The following CHD3 variants were observed in gnomAD, a reference collection of about 807,000 sequenced individuals.
CHD3 encodes the protein ATP-dependent chromatin remodeler CHD3.
In CHD3, 52 loss-of-function variants were observed where a neutral mutation model predicts 248.9. The observed-to-expected ratio is 0.21, with a 90% CI of 0.17 to 0.26. CHD3 has a LOEUF of 0.26. Among genes scored for constraint, CHD3 ranks in the 10% least tolerant of loss-of-function variants. The pLI, the probability that CHD3 is intolerant of heterozygous loss-of-function variation, is 1.00. For missense variants in CHD3, 1,482 were observed against 2,605.8 expected, an observed-to-expected ratio of 0.57 and a Z score of 9.39; for synonymous variants, 985 against 985.2, an observed-to-expected ratio of 1.00 and a Z score of 0.00.
chr17:7,906,038 TG>T lies in CHD3; in HGVS notation c.4358+52del. The T allele has an allele frequency of 1.9e-6, 3 of 1,610,178 alleles. No individual in the cohort carries two copies. Among genetic ancestry groups the T allele is most frequent in the Non-Finnish European group, 2.5e-6 (3 of 1,177,874 alleles). ...GAGTTGGACGCAAGGGGAAGAGCTTTGGGTGTTCCTTTCTTCCTTGGGGCCG... is the reference window on the plus strand; with the variant it reads ...GAGTTGGACGCAAGGGGAAGAGCTTTGGTGTTCCTTTCTTCCTTGGGGCCG... On this transcript the variant is annotated intron_variant, in intron 28 of 39. Transcript: ENST00000330494. The surrounding 1 kb of genome is among the most constrained non-coding windows in gnomAD (Gnocchi z 5.0).
Position 7,905,723 on chromosome 17 carries a change from G to C in CHD3, c.4224+17G>C, listed in dbSNP as rs374315497. On this transcript the variant is annotated intron_variant, in intron 27 of 39. Coordinates refer to ENST00000330494, the MANE Select transcript of CHD3 (RefSeq NM_001005273.3). The surrounding 1 kb of genome is among the most constrained non-coding windows in gnomAD (Gnocchi z 5.8). ...AACATTGAGGTGAGAGCTGGGCCCAGTGTTCCTGAGTTCTCCAAGAGGGCA... is the reference window on the plus strand; with the variant it reads ...AACATTGAGGTGAGAGCTGGGCCCACTGTTCCTGAGTTCTCCAAGAGGGCA... The C allele has an allele frequency of 1.9e-6, 3 of 1,612,602 alleles. No homozygotes were observed. The highest frequency in any genetic ancestry group is 1.3e-5 in the African/African-American group (1 of 74,860).
Position 7,905,118 on chromosome 17 carries a change from C to T in CHD3, c.4091C>T (p.Ser1364Leu), listed in dbSNP as rs1405887043. 6 of 1,614,150 alleles carry T rather than the reference C, an allele frequency of 3.7e-6. No individual in the cohort carries two copies. The highest frequency in any genetic ancestry group is 2.7e-5 in the African/African-American group (2 of 75,048). The change falls in exon 26 of 40, where the codon TCG (serine) becomes TTG (leucine). Residue 1364 changes from serine (S) to leucine (L), a missense_variant. Ser to Leu is a moderately radical substitution (Grantham distance 145). Coordinates refer to ENST00000330494, the MANE Select transcript of CHD3 (RefSeq NM_001005273.3). The surrounding 1 kb of genome is among the most constrained non-coding windows in gnomAD (Gnocchi z 5.8). The stretch of plus-strand genomic sequence containing the variant: ...CCCACAGACAACCAGTCAGAGTACT[C>T]GGTGGGTTCAGAGGAGGAGGATGAA... The part of the protein sequence containing the change: ...QEDQDNQSEY[S>L]VGSEEEDEDF...
rs768154770 is a variant in CHD3, at chr17:7,906,944, C to T, written c.4579C>T (p.Arg1527Cys). ...LMPDPSADSK[R>C]SSRASSPTKT... ...GCCTGACCCCAGCGCCGATTCTAAG[C>T]GCTCCTCCAGAGCCTCCTCTCCTAC... Residue 1527 changes from arginine to cysteine, a missense_variant, in exon 30 of 40, where the codon CGC (arginine) becomes TGC (cysteine). Physicochemically the swap from Arg to Cys is radical, Grantham distance 180. This residue lies in a region of CHD3 where 254 missense variants were observed against 266.7 expected (regional missense o/e 0.95). Transcript: ENST00000330494. This position sits in a 1 kb window ranked among gnomAD's most constrained non-coding sequence, Gnocchi z 5.0. The T allele has an allele frequency of 3.7e-6, 6 of 1,614,160 alleles. No individual in the cohort carries two copies. The Admixed American group carries it at 5.0e-5, about 13-fold the overall frequency.
In CHD3 at chr17:7,905,519, G is replaced by A. The variant is rs991194858; in HGVS notation, c.4139-102G>A. On this transcript the variant is annotated intron_variant, in intron 26 of 39. Coordinates refer to ENST00000330494, the MANE Select transcript of CHD3 (RefSeq NM_001005273.3). This position sits in a 1 kb window ranked among gnomAD's most constrained non-coding sequence, Gnocchi z 5.8. ...ATTGGGAGCACCTCAAACGTGACAGGAATGTTCCTGTGTTGTGTATCTTGT... is the reference window on the plus strand; with the variant it reads ...ATTGGGAGCACCTCAAACGTGACAGAAATGTTCCTGTGTTGTGTATCTTGT... 1 of 882,030 alleles carries A rather than the reference G, an allele frequency of 1.1e-6. No homozygotes were observed. The highest frequency in any genetic ancestry group is 1.7e-6 in the Non-Finnish European group (1 of 577,934). 54.6% of individuals were successfully genotyped at this position (882,030 alleles called of 1,614,324 possible).
In CHD3 at chr17:7,903,145, G is replaced by A. The variant is rs1476411378; in HGVS notation, c.3495+84G>A. On this transcript the variant is annotated intron_variant, in intron 22 of 39. Coordinates refer to ENST00000330494, the MANE Select transcript of CHD3 (RefSeq NM_001005273.3). The surrounding 1 kb of genome is among the most constrained non-coding windows in gnomAD (Gnocchi z 6.8). Reference sequence around the variant, plus strand: ...AGGAGGGTGTCATGTTCCGGGGTCAGAAATAAATCTCTTCTGGGAGGAGAG... The same window carrying A: ...AGGAGGGTGTCATGTTCCGGGGTCAAAAATAAATCTCTTCTGGGAGGAGAG... 15 of 1,577,476 alleles carry A rather than the reference G, an allele frequency of 9.5e-6. No homozygotes were observed. The highest frequency in any genetic ancestry group is 1.3e-5 in the Non-Finnish European group (15 of 1,156,402).
rs1970131109 is a variant in CHD3 at position 7,900,095 on chromosome 17, T to C, written c.2682+62T>C. ...GTGGACTTCCCACTTGCCTTGGTCC[T>C]AAAAAACAACAAAAATTCTGGGGAT... On this transcript the variant is annotated intron_variant, in intron 16 of 39. Transcript: ENST00000330494. This position sits in a 1 kb window ranked among gnomAD's most constrained non-coding sequence, Gnocchi z 6.5. The C allele has an allele frequency of 4.5e-6, 7 of 1,549,182 alleles. No individual in the cohort carries two copies. Among genetic ancestry groups the C allele is most frequent in the Non-Finnish European group, 4.4e-6 (5 of 1,146,730 alleles).
chr17:7,903,411 G>T lies in CHD3; in HGVS notation c.3635G>T (p.Gly1212Val). Residue 1212 changes from glycine to valine, a missense_variant, in exon 23 of 40, where the codon GGG becomes GTG. Transcript: ENST00000330494. The surrounding 1 kb of genome is among the most constrained non-coding windows in gnomAD (Gnocchi z 6.8). ...CTGACACACCTGGTTGTGCGGCCTG[G>T]GCTGGGCTCCAAGGCAGGCTCCATG... ...MMLTHLVVRP[G>V]LGSKAGSMSK... 1.2e-6 allele frequency: 2 copies of T among 1,614,194 alleles called. No homozygotes were observed. The highest frequency in any genetic ancestry group is 2.2e-5 in the East Asian group (1 of 44,872).
intron 20 of CHD3, 116 bp from the exon 21 acceptor site, chr17:7,902,494 C>T: frequency 1.7e-6 from 1 of 581,090 alleles, no homozygotes. Context: ...GAGCTTAAGA[C>T]AGGGCAGGGG....
chr17:7,910,571 A>G lies in CHD3; in HGVS notation c.5734A>G (p.Thr1912Ala). The change falls in exon 38 of 40, where the codon ACG (threonine) becomes GCG (alanine). Residue 1912 changes from threonine to alanine, a missense_variant. This residue lies in a region of CHD3 where 117 missense variants were observed against 137.2 expected (regional missense o/e 0.85). Coordinates refer to ENST00000330494, the MANE Select transcript of CHD3 (RefSeq NM_001005273.3). The surrounding 1 kb of genome is among the most constrained non-coding windows in gnomAD (Gnocchi z 4.7). Reference sequence around the variant, plus strand: ...CCTCAGCCGGCTGGCCAGCAAGGGCACGGAGCCTCACCCCACACCGGTAAC... The same window carrying G: ...CCTCAGCCGGCTGGCCAGCAAGGGCGCGGAGCCTCACCCCACACCGGTAAC... ...SILSRLASKG[T>A]EPHPTPAYPP... The G allele has an allele frequency of 6.2e-7, 1 of 1,611,026 alleles. No homozygotes were observed. Among genetic ancestry groups the G allele is most frequent in the Non-Finnish European group, 8.5e-7 (1 of 1,179,958 alleles).
In CHD3 at chr17:7,889,695, A is replaced by G. The variant is rs944874593; in HGVS notation, c.132A>G (p.Ala44=). Residue 44 remains alanine, a synonymous_variant, in exon 2 of 40, where the codon GCA becomes GCG. Transcript: ENST00000330494. This position sits in a 1 kb window ranked among gnomAD's most constrained non-coding sequence, Gnocchi z 4.5. Reference sequence around the variant, plus strand: ...ATGACATTCGGCTGCTGCCGTCAGCATTGGGTGTGAAGAAGAGAAAACGAG... The same window carrying G: ...ATGACATTCGGCTGCTGCCGTCAGCGTTGGGTGTGAAGAAGAGAAAACGAG... The part of the protein sequence containing the change: ...DKDDIRLLPS[A]LGVKKRKRGP... 2.7e-5 allele frequency: 44 copies of G among 1,613,414 alleles called. No individual in the cohort carries two copies. The highest frequency in any genetic ancestry group is 3.3e-5 in the Non-Finnish European group (39 of 1,179,680).
chr17:7,903,804 G>A lies in CHD3; in HGVS notation c.3728-21G>A, dbSNP rs368228432. Reference sequence around the variant, plus strand: ...CTAAACTTTGGAACCCAAAGTTCCCGTTTGTTTTCCCTCTCACCAGGGGAG... The same window carrying A: ...CTAAACTTTGGAACCCAAAGTTCCCATTTGTTTTCCCTCTCACCAGGGGAG... On this transcript the variant is annotated intron_variant, in intron 23 of 39. Coordinates refer to ENST00000330494, the MANE Select transcript of CHD3 (RefSeq NM_001005273.3). This position sits in a 1 kb window ranked among gnomAD's most constrained non-coding sequence, Gnocchi z 6.8. 2.6e-5 allele frequency: 42 copies of A among 1,610,756 alleles called. No homozygotes were observed. The highest frequency in any genetic ancestry group is 1.6e-4 in the Middle Eastern group (1 of 6,068).
Position 7,903,772 on chromosome 17 carries a change from A to G in CHD3, c.3728-53A>G. On this transcript the variant is annotated intron_variant, in intron 23 of 39. Coordinates refer to ENST00000330494, the MANE Select transcript of CHD3 (RefSeq NM_001005273.3). This position sits in a 1 kb window ranked among gnomAD's most constrained non-coding sequence, Gnocchi z 6.8. ...GACGCAGAGTAGAAGCTTTCCCATC[A>G]GCCTTTCTAAACTTTGGAACCCAAA... 6.3e-7 allele frequency: 1 copy of G among 1,589,728 alleles called. No individual in the cohort carries two copies. Among genetic ancestry groups the G allele is most frequent in the Non-Finnish European group, 8.6e-7 (1 of 1,161,534 alleles).
chr17:7,900,242 T>C lies in CHD3; in HGVS notation c.2683-48T>C. 1 of 1,611,802 alleles carries C rather than the reference T, an allele frequency of 6.2e-7. No individual in the cohort carries two copies. The highest frequency in any genetic ancestry group is 8.5e-7 in the Non-Finnish European group (1 of 1,178,772). ...AGGCTGATGCTGTGGGTCGGTCACT[T>C]GTCACTAATAAGCCCATTTTCCTGC... On this transcript the variant is annotated intron_variant, in intron 16 of 39. Coordinates refer to ENST00000330494, the MANE Select transcript of CHD3 (RefSeq NM_001005273.3). This position sits in a 1 kb window ranked among gnomAD's most constrained non-coding sequence, Gnocchi z 6.5.
Position 7,904,693 on chromosome 17 carries a change from T to C in CHD3, c.4072+74T>C. On this transcript the variant is annotated intron_variant, in intron 25 of 39. Transcript: ENST00000330494. The surrounding 1 kb of genome is among the most constrained non-coding windows in gnomAD (Gnocchi z 4.4). ...GTAGGGACTTGAAGGCTGGAGCTAT[T>C]TAGAGGGAAAGAGAGAAGCCTAGAA... 7.3e-7 allele frequency: 1 copy of C among 1,368,916 alleles called. No individual in the cohort carries two copies. The highest frequency in any genetic ancestry group is 1.0e-6 in the Non-Finnish European group (1 of 993,850). 84.8% of individuals were successfully genotyped at this position (1,368,916 alleles called of 1,614,324 possible).
At chr17:7,891,106 A>G in intron 4 of CHD3, 42 bp downstream of exon 4, 1 of 1,607,640 alleles carries the variant, frequency 6.2e-7, no homozygotes, top group Non-Finnish European at 8.5e-7. Context: ...GACACTTTTA[A>G]TTTGAGGGAG....
In CHD3 at chr17:7,894,140, C is replaced by T. The variant is rs1204367567; in HGVS notation, c.950C>T (p.Pro317Leu). 1.9e-6 allele frequency: 3 copies of T among 1,613,350 alleles called. No individual in the cohort carries two copies. The highest frequency in any genetic ancestry group is 2.5e-6 in the Non-Finnish European group (3 of 1,179,702). ...GSYVFQSDEGPEPEAEESDLD... is the reference protein window; with the variant it reads ...GSYVFQSDEGLEPEAEESDLD... ...TATGTTTTTCAGAGCGACGAAGGTC[C>T]TGAACCAGAGGCTGAGGAATCAGAC... is the stretch of plus-strand genomic sequence containing the variant. Residue 317 changes from proline (P) to leucine (L), a missense_variant, in exon 7 of 40, where the codon CCT (proline) becomes CTT (leucine). Physicochemically the swap from Pro to Leu is moderately conservative, Grantham distance 98 (BLOSUM62 -3). This residue lies in a region of CHD3 where 149 missense variants were observed against 182.6 expected (regional missense o/e 0.82). Coordinates refer to ENST00000330494, the MANE Select transcript of CHD3 (RefSeq NM_001005273.3).
At position 7,893,584 on chromosome 17, in the gene CHD3, TC is replaced by T. The variant is rs1180086252; in HGVS notation, c.793+17del. 30 of 1,549,960 alleles carry T rather than the reference TC, an allele frequency of 1.9e-5. No homozygotes were observed. Among genetic ancestry groups the T allele is most frequent in the Non-Finnish European group, 2.6e-5 (30 of 1,148,006 alleles). On this transcript the variant is annotated intron_variant, in intron 5 of 39. Transcript: ENST00000330494. ...AGAGGGCAAAGGTAGGGAACTCTCT[TC>T]CAACAACTGTCATCTCACCTTCCAA...
rs1452806362 is a variant in CHD3, at chr17:7,903,798, G to T, written c.3728-27G>T. The T allele has an allele frequency of 3.1e-6, 5 of 1,610,244 alleles. No individual in the cohort carries two copies. In the Admixed American group the frequency reaches 5.0e-5, roughly 16 times the overall value. ...GCCTTTCTAAACTTTGGAACCCAAA[G>T]TTCCCGTTTGTTTTCCCTCTCACCA... On this transcript the variant is annotated intron_variant, in intron 23 of 39. Transcript: ENST00000330494. This position sits in a 1 kb window ranked among gnomAD's most constrained non-coding sequence, Gnocchi z 6.8.
chr17:7,898,915 G>A (rs1324725143), intron 13 of CHD3, 96 bp from the exon 14 acceptor site: 4 of 1,105,974 alleles, frequency 3.6e-6, no homozygotes. Flanking sequence ...AGAGGGAATT[G>A]TAATCCAACT....
Sources: gnomAD v4.1 joint callset for allele counts on GRCh38, gnomAD v4.1.1 for gene constraint, gnomAD v4.1.1 regional missense constraint, Gnocchi (gnomAD v3.1) non-coding constraint, MANE v1.5 for transcripts, NCBI Gene and HGNC (gene_info 2026-07-23, HGNC 2026-07-21) for gene names.